CTNNA2: variants seen among roughly 807,000 people sequenced by gnomAD.
CTNNA2 encodes catenin alpha-2.
In CTNNA2, 42 loss-of-function variants were observed where a neutral mutation model predicts 101.0. The ratio of observed to expected loss-of-function variants is 0.42; its 90% CI spans 0.32 to 0.54. CTNNA2 has a LOEUF of 0.54. Ranked by LOEUF, CTNNA2 falls within the 20% of genes least tolerant of loss-of-function variation. The pLI is 0.14. For synonymous variants in CTNNA2, 450 were observed against 456.4 expected (o/e 0.99, Z 0.18); for missense variants, 871 against 1,223.1 (o/e 0.71, Z 4.29).
intron 2 of CTNNA2, among the ~76,000 whole-genome samples, chr2:79,224,411 C>G (rs1257079114): frequency 1.3e-5 from 2 of 152,014 alleles, no homozygotes; most frequent in Admixed American, 1.3e-4. Flanking sequence ...TATCTATCAC[C>G]CAGGTTCCAC....
chr2:79,818,305 C>G (rs1389876326), intron 3 of CTNNA2, among the ~76,000 whole-genome samples: 1 of 151,568 alleles, frequency 6.6e-6, no homozygotes, highest in Non-Finnish European at 1.5e-5. Context: ...TTGTGATTTA[C>G]CTTTGTTTTT....
intron 7 of CTNNA2, among the ~76,000 whole-genome samples, chr2:79,983,221 T>A (rs13391161): frequency 0.12 from 17,191 of 149,342 alleles, 1,176 homozygotes; most frequent in South Asian, 0.22. Context: ...ATACAACATA[T>A]CCATATTAAT....
intron 7 of CTNNA2, among the ~76,000 whole-genome samples, chr2:80,063,527 T>G (rs146000254): frequency 1.2e-4 from 18 of 152,382 alleles, no homozygotes; most frequent in Admixed American, 2.6e-4. Context: ...TGTATCGTAG[T>G]ACCTGTTTAA....
chr2:80,202,830 T>G (rs1707288259), intron 7 of CTNNA2, among the ~76,000 whole-genome samples: 1 of 152,082 alleles, frequency 6.6e-6, no homozygotes, highest in South Asian at 2.1e-4. Context: ...CAAATCACAC[T>G]GTATTAGTCT....
At chr2:79,288,828 T>G (rs12622280) in intron 2 of CTNNA2, among the ~76,000 whole-genome samples, 26,691 of 152,182 alleles carry the variant, frequency 0.18, 2,491 homozygotes, top group South Asian at 0.3. Context: ...AGATACTGAC[T>G]TTCAGTGGGG....
chr2:80,316,654 T>A (rs930354874), intron 7 of CTNNA2, among the ~76,000 whole-genome samples: 1 of 152,210 alleles, frequency 6.6e-6, no homozygotes, highest in Non-Finnish European at 1.5e-5. Context: ...GCTGTTGTTT[T>A]GTGTGATGTT....
intron 3 of CTNNA2, among the ~76,000 whole-genome samples, chr2:79,769,542 T>C (rs1054774615): frequency 2.6e-5 from 4 of 152,204 alleles, no homozygotes; most frequent in African/African-American, 9.7e-5. Context: ...TCATAATCCT[T>C]CCTAATTTAG....
In CTNNA2 at chr2:80,224,392, A is replaced by G. The variant is rs370511016; in HGVS notation, c.1057-168819A>G. ...GCTTGTATCTCTTTGCCAGGTTTTC[A>G]TATCTGGCCTGTCAATTCAGTCAGT... On this transcript the variant is annotated intron_variant, in intron 7 of 18. Coordinates refer to ENST00000402739, the MANE Select transcript of CTNNA2 (RefSeq NM_001282597.3). Among the ~76,000 whole-genome samples the G allele has an allele frequency of 3.3e-5, 5 of 152,240 alleles. No homozygotes were observed. The East Asian group carries it at 5.8e-4, about 18-fold the overall frequency.
intron 4 of CTNNA2, among the ~76,000 whole-genome samples, chr2:79,457,606 T>C (rs1411056197): frequency 1.3e-5 from 2 of 152,250 alleles, no homozygotes; most frequent in East Asian, 3.9e-4. Flanking sequence ...GAAAAACATA[T>C]ATGTTGTCAG....
intron 7 of CTNNA2, among the ~76,000 whole-genome samples, chr2:80,181,120 T>G (rs1339665341): frequency 2.6e-5 from 4 of 152,198 alleles, no homozygotes; most frequent in African/African-American, 9.7e-5. Flanking sequence ...TCAACCTCAC[T>G]TCTAGGGGCT....
intron 7 of CTNNA2, among the ~76,000 whole-genome samples, chr2:80,348,584 A>C (rs1385248835): frequency 6.6e-6 from 1 of 152,244 alleles, no homozygotes; most frequent in East Asian, 1.9e-4. Flanking sequence ...CTGTTTCTGG[A>C]AAAACGTAGC....
chr2:79,621,323 C>T lies in CTNNA2; in HGVS notation c.-5-30229C>T, dbSNP rs114574147. 4.6e-4 allele frequency among the ~76,000 whole-genome samples: 70 copies of T among 152,238 alleles called. 2 individuals are homozygous for T. In the East Asian group the frequency reaches 0.011, roughly 24 times the overall value. On this transcript the variant is annotated intron_variant, in intron 1 of 18. Coordinates refer to ENST00000402739, the MANE Select transcript of CTNNA2 (RefSeq NM_001282597.3). ...CTCCAATAAAAGGAACCAGGCTCCT[C>T]GGAGAAATGGCTTATTCTCCGTTAT...
intron 1 of CTNNA2, among the ~76,000 whole-genome samples, chr2:79,525,587 T>C (rs1408574944): frequency 6.6e-6 from 1 of 152,018 alleles, no homozygotes; most frequent in African/African-American, 2.4e-5. Flanking sequence ...TACATTACAT[T>C]ATTAAAAGTA....
chr2:79,631,536 G>A (rs1679694566), intron 1 of CTNNA2, among the ~76,000 whole-genome samples: 2 of 152,240 alleles, frequency 1.3e-5, no homozygotes, highest in Middle Eastern at 3.4e-3. Flanking sequence ...CATTTTAGAC[G>A]GAGGAGCTGG....
intron 7 of CTNNA2, among the ~76,000 whole-genome samples, chr2:80,017,449 T>C (rs1694234691): frequency 6.6e-6 from 1 of 151,700 alleles, no homozygotes; most frequent in Admixed American, 6.6e-5. Flanking sequence ...TATACGTGTG[T>C]ATATATATGT....
intron 7 of CTNNA2, among the ~76,000 whole-genome samples, chr2:80,119,944 C>T (rs1213100500): frequency 1.3e-5 from 2 of 152,190 alleles, no homozygotes; most frequent in African/African-American, 4.8e-5. Context: ...TTAAAAGCCT[C>T]TGGCAATCTA....
chr2:80,366,070 G>A (rs1674905008), intron 7 of CTNNA2, among the ~76,000 whole-genome samples: 1 of 152,104 alleles, frequency 6.6e-6, no homozygotes, highest in Admixed American at 6.5e-5. Flanking sequence ...TTAGAATGTG[G>A]CAATTCTCAC....
chr2:80,251,736 A>G (rs979102921), intron 7 of CTNNA2, among the ~76,000 whole-genome samples: 2 of 152,198 alleles, frequency 1.3e-5, no homozygotes, highest in African/African-American at 4.8e-5. Flanking sequence ...GGCAGACAGC[A>G]AAACCTGCTT....
At chr2:80,439,452 G>T (rs1682356051) in intron 9 of CTNNA2, among the ~76,000 whole-genome samples, 1 of 152,132 alleles carries the variant, frequency 6.6e-6, no homozygotes. Context: ...AGGCTGGAGT[G>T]CAGTGGCGTG....
Sources: allele counts gnomAD v4.1 joint callset (sites outside exome capture counted in the v4.1 genomes callset), GRCh38; gene constraint gnomAD v4.1.1; transcripts MANE v1.5; gene names NCBI Gene and HGNC (gene_info 2026-07-23, HGNC 2026-07-21).